GSAP: variants seen among roughly 807,000 people sequenced by gnomAD.
GSAP encodes gamma-secretase activating protein.
In GSAP, 118 loss-of-function variants were observed where a neutral mutation model predicts 131.7. That is an observed-to-expected ratio of 0.90 (90% CI 0.77 to 1.04). The LOEUF is 1.04. GSAP is among the 50% of genes least tolerant of loss of function. The pLI, the probability that GSAP is intolerant of heterozygous loss-of-function variation, is 0.00. For synonymous variants in GSAP, 381 were observed against 363.4 expected (o/e 1.05, Z -0.55); for missense variants, 1,019 against 1,013.2 (o/e 1.01, Z -0.08).
chr7:77,324,325 T>A (rs1027960340), intron 23 of GSAP, among the ~76,000 whole-genome samples: 4 of 152,168 alleles, frequency 2.6e-5, no homozygotes, highest in African/African-American at 9.7e-5. Context: ...TGTTTGATCA[T>A]CCTTGGGCCT....
At chr7:77,402,616 A>AAAACAAAAAAAAAAAAAAAAAAAT (rs375595494) in intron 3 of GSAP, among the ~76,000 whole-genome samples, 1 of 80,422 alleles carries the variant, frequency 1.2e-5, no homozygotes, top group Non-Finnish European at 2.7e-5. Flanking sequence ...AAAAAAAAAA[A>AAAACAAAAAAAAAAAAAAAAAAAT]GAATTTTAAA....
chr7:77,317,202 G>C (rs1261745573), intron 26 of GSAP, among the ~76,000 whole-genome samples: 1 of 152,094 alleles, frequency 6.6e-6, no homozygotes, highest in Non-Finnish European at 1.5e-5. Flanking sequence ...CCATAAAAGA[G>C]GATGAGTTCA....
intron 3 of GSAP, among the ~76,000 whole-genome samples, chr7:77,401,470 T>A (rs1337653980): frequency 6.6e-6 from 1 of 151,890 alleles, no homozygotes; most frequent in African/African-American, 2.4e-5. Flanking sequence ...CAAAAAGAAC[T>A]ATGAATCCTG....
chr7:77,406,056 T>C lies in GSAP; in HGVS notation c.159A>G (p.Arg53=). The C allele has an allele frequency of 9.3e-7, 1 of 1,075,584 alleles. No homozygotes were observed. Among genetic ancestry groups the C allele is most frequent in the Non-Finnish European group, 1.3e-6 (1 of 786,442 alleles). 66.6% of individuals were successfully genotyped at this position (1,075,584 alleles called of 1,614,324 possible). A position where few individuals can be genotyped will look rare whatever the true frequency, so the allele number is the denominator to read the frequency against. ...TATAGGTATAAATAATATTTCCATT[T>C]CTTTCAACATTTAATACATGTAAGC... ...YESLHVLNVE[R]NGNIIYTYKD... The change falls in exon 2 of 31, where the codon AGA becomes AGG. Residue 53 remains arginine (R), a synonymous_variant. Coordinates refer to ENST00000257626, the MANE Select transcript of GSAP (RefSeq NM_017439.4).
chr7:77,311,594 T>G, intron 30 of GSAP, 145 bp from the exon 31 acceptor site: 1 of 601,584 alleles, frequency 1.7e-6, no homozygotes, highest in Non-Finnish European at 2.9e-6. Context: ...AATTTAAACT[T>G]CAGCACCAAG....
chr7:77,357,442 GA>G (rs1331966940), intron 14 of GSAP, among the ~76,000 whole-genome samples: 1 of 152,148 alleles, frequency 6.6e-6, no homozygotes, highest in African/African-American at 2.4e-5. Flanking sequence ...ATGAGAGGGA[GA>G]TTTGACTAGA....
At chr7:77,380,768 T>C (rs1316775941) in intron 8 of GSAP, among the ~76,000 whole-genome samples, 1 of 152,088 alleles carries the variant, frequency 6.6e-6, no homozygotes, top group African/African-American at 2.4e-5. Flanking sequence ...GAAACCCATA[T>C]ATGGCATGAT....
rs1231010270 is a variant in GSAP, at chr7:77,416,231, CCCCGCTGGCCTCCGACACTG to C, written c.71_90del (p.Ala24GlyfsTer14). 1 of 1,475,046 alleles carries C rather than the reference CCCCGCTGGCCTCCGACACTG, an allele frequency of 6.8e-7. No homozygotes were observed. Among genetic ancestry groups the C allele is most frequent in the Non-Finnish European group, 9.0e-7 (1 of 1,115,000 alleles). The allele number at this position is 1,475,046 out of a possible 1,614,324, so 91.4% of individuals were successfully genotyped here. On this transcript the variant is annotated frameshift_variant, in exon 1 of 31. Coordinates refer to ENST00000257626, the MANE Select transcript of GSAP (RefSeq NM_017439.4). LOFTEE classifies it high-confidence loss of function. ...CCCGCACCTGCGCCGCCGCTTCCGGCCCCGCTGGCCTCCGACACTGCCCGCTGCGCCCGCAACCACGGGAG... is the reference window on the plus strand; with the variant it reads ...CCCGCACCTGCGCCGCCGCTTCCGGCCCCGCTGCGCCCGCAACCACGGGAG...
intron 3 of GSAP, among the ~76,000 whole-genome samples, chr7:77,404,242 A>G (rs1383842338): frequency 3.3e-5 from 5 of 152,184 alleles, no homozygotes; most frequent in Non-Finnish European, 7.4e-5. Flanking sequence ...TGGCTCTAAA[A>G]CTAGTTTTAC....
In GSAP at chr7:77,360,859, G is replaced by T; in HGVS notation, c.992C>A (p.Ser331Ter). 6.2e-7 allele frequency: 1 copy of T among 1,603,122 alleles called. No individual in the cohort carries two copies. The part of the protein sequence containing the change: ...TFTTSLENVG[S>*]HMTKGITFLN... The stretch of plus-strand genomic sequence containing the variant: ...AAAAGTAATGCCCTTTGTCATGTGT[G>T]ACCCAACATTCTCAAGAGAAGTGGT... The change falls in exon 14 of 31, where the codon TCA becomes TAA. Residue 331 changes from serine to a stop codon, truncating the protein, a stop_gained. Coordinates refer to ENST00000257626, the MANE Select transcript of GSAP (RefSeq NM_017439.4). LOFTEE classifies it high-confidence loss of function.
At chr7:77,362,318 C>A (rs1174321553) in intron 13 of GSAP, among the ~76,000 whole-genome samples, 1 of 152,104 alleles carries the variant, frequency 6.6e-6, no homozygotes. Flanking sequence ...GAAACCCCAT[C>A]TCCACAAAAA....
chr7:77,372,543 G>C (rs543334377), intron 12 of GSAP, among the ~76,000 whole-genome samples: 1 of 152,064 alleles, frequency 6.6e-6, no homozygotes. Flanking sequence ...ATTATCTACT[G>C]GTTAGGTGTT....
chr7:77,337,543 C>G (rs982526569), intron 19 of GSAP, among the ~76,000 whole-genome samples: 10 of 152,168 alleles, frequency 6.6e-5, no homozygotes, highest in African/African-American at 2.2e-4. Flanking sequence ...GTATAAACTA[C>G]TCTTCTCCCA....
intron 5 of GSAP, among the ~76,000 whole-genome samples, chr7:77,392,437 A>G (rs555208488): frequency 5.3e-5 from 8 of 151,086 alleles, no homozygotes; most frequent in African/African-American, 1.7e-4. Flanking sequence ...AATCCCAGCT[A>G]CTCGGGAAAC....
chr7:77,373,178 A>G (rs893226033), intron 12 of GSAP, among the ~76,000 whole-genome samples: 20 of 152,340 alleles, frequency 1.3e-4, no homozygotes, highest in African/African-American at 4.6e-4. Context: ...AATTCCTATA[A>G]TGCTCATTCA....
At chr7:77,415,847 A>AC (rs1177379265) in intron 1 of GSAP, 7 of 212,526 alleles carry the variant, frequency 3.3e-5, no homozygotes, top group Non-Finnish European at 6.5e-5. Context: ...CTGCCGATGA[A>AC]CCCCCCGGGA....
rs1787534901 is a variant in GSAP, at chr7:77,320,813, A to G, written c.2001T>C (p.Ser667=). Residue 667 remains serine (S), a synonymous_variant, in exon 26 of 31, where the codon AGT becomes AGC. Transcript: ENST00000257626. ...NLHSWVLHFN[S]RGSAAEFAVF... is the part of the protein sequence containing the mutation. ...CTGCAAATTCAGCAGCACTGCCACG[A>G]CTATTGCTGGGTAAAAAAAACAAAG... 6.2e-7 allele frequency: 1 copy of G among 1,601,038 alleles called. No homozygotes were observed. Among genetic ancestry groups the G allele is most frequent in the Non-Finnish European group, 8.6e-7 (1 of 1,168,254 alleles).
intron 23 of GSAP, among the ~76,000 whole-genome samples, 187 bp downstream of exon 23, chr7:77,326,025 C>T (rs375830149): frequency 4.6e-5 from 7 of 152,314 alleles, no homozygotes; most frequent in African/African-American, 1.7e-4. Context: ...CCTTTGACTA[C>T]ACATTCCAAG....
chr7:77,347,958 C>T (rs1792155045), intron 19 of GSAP, among the ~76,000 whole-genome samples: 1 of 150,922 alleles, frequency 6.6e-6, no homozygotes, highest in South Asian at 2.1e-4. Context: ...TTGAGATCAT[C>T]CTGGCAACAT....
Sources: gnomAD v4.1 joint callset for allele counts (sites outside exome capture counted in the v4.1 genomes callset) on GRCh38, gnomAD v4.1.1 for gene constraint, MANE v1.5 for transcripts, NCBI Gene and HGNC (gene_info 2026-07-23, HGNC 2026-07-21) for gene names.